The following PCDHA7 variants were observed in gnomAD, a reference collection of about 807,000 sequenced individuals.
PCDHA7 encodes protocadherin alpha-7.
Under a neutral mutation model 57.2 loss-of-function variants are expected in PCDHA7, and 37 were observed. The ratio of observed to expected loss-of-function variants is 0.65; its 90% CI spans 0.50 to 0.85. PCDHA7 has a LOEUF of 0.85. Ranked by LOEUF, PCDHA7 falls within the 40% of genes least tolerant of loss-of-function variation. PCDHA7 has a pLI of 0.00. For missense variants in PCDHA7, 1,188 were observed against 1,241.8 expected (o/e 0.96, Z 0.65); for synonymous variants, 553 against 558.8 (o/e 0.99, Z 0.15).
At chr5:140,866,395 T>A (rs1483002508) in intron 1 of PCDHA7, 1 of 152,120 alleles carries the variant, frequency 6.6e-6, no homozygotes, top group Non-Finnish European at 1.5e-5. Context: ...AGACATAGAT[T>A]CCCATGAAAA....
chr5:140,842,333 G>A, intron 1 of PCDHA7: 2 of 1,608,106 alleles, frequency 1.2e-6, no homozygotes, highest in South Asian at 2.2e-5. Flanking sequence ...CACCGTTTTA[G>A]TGAGAATTTT....
At chr5:140,850,090 A>G (rs2150466556) in intron 1 of PCDHA7, 1 of 1,596,664 alleles carries the variant, frequency 6.3e-7, no homozygotes, top group Admixed American at 1.7e-5. Context: ...GAGCTGCTAC[A>G]GTTCCAGGTG....
chr5:141,004,682 T>G (rs1002761253), intron 3 of PCDHA7, among the ~76,000 whole-genome samples: 2 of 152,184 alleles, frequency 1.3e-5, no homozygotes, highest in South Asian at 4.1e-4. Flanking sequence ...TGTGGAGTGG[T>G]GCTGAAACCC....
intron 3 of PCDHA7, among the ~76,000 whole-genome samples, chr5:141,001,598 G>C (rs2098027263): frequency 6.6e-6 from 1 of 152,088 alleles, no homozygotes; most frequent in South Asian, 2.1e-4. Flanking sequence ...ACTCAGATTA[G>C]GTTTGCCCAA....
At chr5:140,875,413 C>T (rs2055464602) in intron 1 of PCDHA7, 2 of 1,507,300 alleles carry the variant, frequency 1.3e-6, no homozygotes, top group South Asian at 2.7e-5. Flanking sequence ...TCATAAAATA[C>T]CTCAGGCAAG....
chr5:140,871,185 T>C (rs782235765), intron 1 of PCDHA7: 1 of 1,613,600 alleles, frequency 6.2e-7, no homozygotes, highest in Admixed American at 1.7e-5. Flanking sequence ...CGCTGGTGGA[T>C]GTCAACGTGT....
intron 1 of PCDHA7, among the ~76,000 whole-genome samples, chr5:140,888,838 A>G (rs2061999996): frequency 6.6e-6 from 1 of 152,078 alleles, no homozygotes; most frequent in East Asian, 1.9e-4. Flanking sequence ...ACTCCACTGC[A>G]GCCTGGTGAC....
At chr5:140,870,070 G>A in intron 1 of PCDHA7, 2 of 1,613,880 alleles carry the variant, frequency 1.2e-6, no homozygotes, top group Non-Finnish European at 1.7e-6. Context: ...ACAGGCTACA[G>A]ATAAGGGGAC....
intron 3 of PCDHA7, among the ~76,000 whole-genome samples, chr5:140,995,073 C>A (rs2097663037): frequency 6.6e-6 from 1 of 152,180 alleles, no homozygotes; most frequent in Non-Finnish European, 1.5e-5. Context: ...CAACCTACAG[C>A]AATCCAAACT....
At chr5:140,903,229 T>C (rs2153479721) in intron 1 of PCDHA7, among the ~76,000 whole-genome samples, 1 of 152,340 alleles carries the variant, frequency 6.6e-6, no homozygotes, top group South Asian at 2.1e-4. Flanking sequence ...CATCTATTAC[T>C]TTTTGATTTT....
At chr5:140,841,682 G>C (rs2150320729) in intron 1 of PCDHA7, 34 of 1,613,844 alleles carry the variant, frequency 2.1e-5, no homozygotes, top group Non-Finnish European at 2.5e-6. Flanking sequence ...CCATGTGGAC[G>C]TGGAGGTGAA....
intron 1 of PCDHA7, chr5:140,842,691 A>C: frequency 1.9e-6 from 3 of 1,595,350 alleles, no homozygotes; most frequent in Non-Finnish European, 2.6e-6. Flanking sequence ...GCGTTCGCGC[A>C]GCCCGAGTAC....
At position 140,850,869 on chromosome 5, in the gene PCDHA7, T is replaced by C. The variant is rs1204218607; in HGVS notation, c.2355+14131T>C. 3.3e-5 allele frequency: 52 copies of C among 1,591,956 alleles called. 5 individuals carry two copies. The highest frequency in any genetic ancestry group is 4.2e-5 in the Non-Finnish European group (49 of 1,163,508). ...AGAGCGAACGGGAGAACCCTCTGCT[T>C]CCTCAGATTCAACTGGGAAGGTGGG... On this transcript the variant is annotated intron_variant, in intron 1 of 3. Coordinates refer to ENST00000525929, the MANE Select transcript of PCDHA7 (RefSeq NM_018910.3).
At chr5:140,910,719 C>T (rs527945930) in intron 1 of PCDHA7, among the ~76,000 whole-genome samples, 44 of 152,216 alleles carry the variant, frequency 2.9e-4, no homozygotes, top group African/African-American at 1.0e-3. Context: ...TCTTTTAATC[C>T]ATATTTCAGC....
chr5:140,851,265 CTTGTA>C, intron 1 of PCDHA7: 1 of 1,075,054 alleles, frequency 9.3e-7, no homozygotes, highest in Non-Finnish European at 1.2e-6. Flanking sequence ...TTTTAGTCTA[CTTGTA>C]TTGTTTATAA....
intron 1 of PCDHA7, among the ~76,000 whole-genome samples, chr5:140,915,973 T>G (rs1472373994): frequency 3.9e-5 from 6 of 152,150 alleles, no homozygotes; most frequent in African/African-American, 1.4e-4. Context: ...TGATATTTTA[T>G]TTGACTACGG....
At position 140,848,680 on chromosome 5, in the gene PCDHA7, G is replaced by T. The variant is rs2150417098; in HGVS notation, c.2355+11942G>T. ...CTGGAGCTGGCGGAGCTGGTGCCGC[G>T]CCTGTTCCAGTTGGATTCCAAAGGC... On this transcript the variant is annotated intron_variant, in intron 1 of 3. Transcript: ENST00000525929. 4.4e-5 allele frequency: 70 copies of T among 1,592,250 alleles called. 5 individuals are homozygous for T. The highest frequency in any genetic ancestry group is 3.9e-4 in the Admixed American group (23 of 59,170).
chr5:140,932,474 A>G (rs1444534569), intron 1 of PCDHA7, among the ~76,000 whole-genome samples: 1 of 151,904 alleles, frequency 6.6e-6, no homozygotes, highest in African/African-American at 2.4e-5. Context: ...AGGAAATAGG[A>G]TATCTCCTCT....
intron 1 of PCDHA7, chr5:140,966,755 C>G: frequency 2.8e-6 from 4 of 1,434,520 alleles, no homozygotes; most frequent in Non-Finnish European, 1.8e-6. Flanking sequence ...GCCTCCGCCG[C>G]GGCCAGTGGC....
Sources: allele counts gnomAD v4.1 joint callset (sites outside exome capture counted in the v4.1 genomes callset), GRCh38; gene constraint gnomAD v4.1.1; transcripts MANE v1.5; gene names NCBI Gene and HGNC (gene_info 2026-07-23, HGNC 2026-07-21).